VRK2: variants seen among roughly 807,000 people sequenced by gnomAD.
The protein encoded by VRK2 is VRK serine/threonine kinase 2, also known as serine/threonine-protein kinase VRK2.
A neutral mutation model predicts 57.6 loss-of-function variants in VRK2; 60 were observed. The observed-to-expected ratio is 1.04, with a 90% CI of 0.85 to 1.29. The LOEUF (loss-of-function observed/expected upper bound fraction) is 1.29. Among genes scored for constraint, VRK2 ranks in the 50% most tolerant of loss-of-function variants. VRK2 has a pLI of 0.00. For missense variants in VRK2, 705 were observed against 588.1 expected (o/e 1.20, Z -2.06); for synonymous variants, 231 against 199.2 (o/e 1.16, Z -1.35).
chr2:58,008,677 T>C (rs773148654), intron 1 of VRK2, among the ~76,000 whole-genome samples: 11 of 151,880 alleles, frequency 7.2e-5, no homozygotes, highest in Non-Finnish European at 1.2e-4. Context: ...TAAAAGCAGA[T>C]AATAAAATAT....
chr2:58,074,535 A>G (rs999736133), intron 2 of VRK2, among the ~76,000 whole-genome samples: 8 of 152,152 alleles, frequency 5.3e-5, no homozygotes, highest in Non-Finnish European at 7.4e-5. Flanking sequence ...AAATAACACT[A>G]TACTACTTCA....
chr2:58,125,626 C>A (rs113733951), intron 8 of VRK2, among the ~76,000 whole-genome samples: 1 of 151,880 alleles, frequency 6.6e-6, no homozygotes, highest in Non-Finnish European at 1.5e-5. Flanking sequence ...TTACCAGATT[C>A]TTATAAAATA....
At chr2:58,001,470 A>T (rs1378506390) in intron 1 of VRK2, among the ~76,000 whole-genome samples, 1 of 152,186 alleles carries the variant, frequency 6.6e-6, no homozygotes, top group Non-Finnish European at 1.5e-5. Context: ...ACTTTGTTTC[A>T]TGTAAGAATT....
chr2:58,014,436 G>A lies in VRK2; in HGVS notation c.-438-11229G>A, dbSNP rs145506716. On this transcript the variant is annotated intron_variant, in intron 1 of 15. Transcript: ENST00000417641. Reference sequence around the variant, plus strand: ...AAAGATATTAAATAAAAACAGTTTCGTAAAACCAGTGATCAATTAGCTTCA... The same window carrying A: ...AAAGATATTAAATAAAAACAGTTTCATAAAACCAGTGATCAATTAGCTTCA... Among the ~76,000 whole-genome samples, 337 of 152,238 alleles carry A rather than the reference G, an allele frequency of 2.2e-3. 1 individual carries two copies. The highest frequency in any genetic ancestry group is 4.0e-3 in the Non-Finnish European group (272 of 67,996).
At chr2:58,028,907 T>TAA (rs1674026438) in intron 2 of VRK2, among the ~76,000 whole-genome samples, 2 of 32,926 alleles carry the variant, frequency 6.1e-5, no homozygotes, top group South Asian at 6.7e-4. Context: ...TAAATAAATA[T>TAA]ATATATATAT....
At chr2:58,036,553 C>G (rs1674280083) in intron 3 of VRK2, among the ~76,000 whole-genome samples, 2 of 151,988 alleles carry the variant, frequency 1.3e-5, no homozygotes, top group East Asian at 1.9e-4. Context: ...TAATCAGTAT[C>G]GAGATGGTAT....
At chr2:58,095,838 G>T (rs1452989066) in intron 7 of VRK2, among the ~76,000 whole-genome samples, 1 of 151,994 alleles carries the variant, frequency 6.6e-6, no homozygotes, top group Non-Finnish European at 1.5e-5. Flanking sequence ...AATCTTATTG[G>T]AAATGCCTGA....
At chr2:58,113,312 C>CAA (rs60456089) in intron 7 of VRK2, among the ~76,000 whole-genome samples, 14 of 82,228 alleles carry the variant, frequency 1.7e-4, no homozygotes, top group African/African-American at 3.7e-4. Flanking sequence ...AACTCCGTCT[C>CAA]AAAAAAAAAA....
chr2:58,121,604 G>T (rs1000336588), intron 7 of VRK2, among the ~76,000 whole-genome samples: 20 of 152,108 alleles, frequency 1.3e-4, no homozygotes, highest in Non-Finnish European at 2.5e-4. Flanking sequence ...ACTCTGTGCT[G>T]TTTATATTTT....
chr2:57,942,619 G>A (rs1381992107), intron 1 of VRK2, among the ~76,000 whole-genome samples: 1 of 151,764 alleles, frequency 6.6e-6, no homozygotes, highest in African/African-American at 2.4e-5. Flanking sequence ...TTAAATAACT[G>A]TAAAATTGAT....
intron 2 of VRK2, among the ~76,000 whole-genome samples, chr2:58,082,574 ACTT>A (rs1001816737): frequency 3.3e-5 from 5 of 151,818 alleles, no homozygotes; most frequent in African/African-American, 1.2e-4. Context: ...TTTTCTCACC[ACTT>A]CTTCTATACC....
intron 1 of VRK2, among the ~76,000 whole-genome samples, chr2:57,997,633 T>G (rs571180289): frequency 6.6e-6 from 1 of 152,222 alleles, no homozygotes; most frequent in Non-Finnish European, 1.5e-5. Flanking sequence ...CCAGGCATAG[T>G]GGCTCACACC....
At position 58,139,791 on chromosome 2, in the gene VRK2, A is replaced by G. The variant is rs1288416103; in HGVS notation, c.982A>G (p.Lys328Glu). 6.2e-7 allele frequency: 1 copy of G among 1,613,042 alleles called. No individual in the cohort carries two copies. Among genetic ancestry groups the G allele is most frequent in the Non-Finnish European group, 8.5e-7 (1 of 1,179,370 alleles). Residue 328 changes from lysine to glutamate, a missense_variant, in exon 11 of 13, where the codon AAA (lysine) becomes GAA (glutamate). Physicochemically the swap from Lys to Glu is moderately conservative, Grantham distance 56. Coordinates refer to ENST00000340157, the MANE Select transcript of VRK2 (RefSeq NM_006296.7). ...TTTAGGACCACTGGACTTTTCCACAAAAGGACAGAGTATAAATGTCCATAC... is the reference window on the plus strand; with the variant it reads ...TTTAGGACCACTGGACTTTTCCACAGAAGGACAGAGTATAAATGTCCATAC... ...IPLGPLDFSTKGQSINVHTPN... is the reference protein window; with the variant it reads ...IPLGPLDFSTEGQSINVHTPN...
intron 1 of VRK2, among the ~76,000 whole-genome samples, chr2:57,990,866 C>T (rs1422092675): frequency 1.3e-5 from 2 of 151,208 alleles, no homozygotes; most frequent in Non-Finnish European, 3.0e-5. Context: ...CACACACACA[C>T]ACACACACAC....
At chr2:57,933,314 T>C (rs1463559655) in intron 1 of VRK2, among the ~76,000 whole-genome samples, 14 of 130,154 alleles carry the variant, frequency 1.1e-4, no homozygotes, top group African/African-American at 4.4e-4. Flanking sequence ...TTTTTCTTTT[T>C]TTTTTTTTTT....
intron 1 of VRK2, among the ~76,000 whole-genome samples, chr2:57,943,920 A>T (rs1051609314): frequency 6.6e-6 from 1 of 152,224 alleles, no homozygotes; most frequent in African/African-American, 2.4e-5. Flanking sequence ...CAATTCTGCC[A>T]TTGTAGCAAA....
intron 10 of VRK2, among the ~76,000 whole-genome samples, chr2:58,136,218 A>C (rs1272036117): frequency 1.3e-5 from 2 of 152,092 alleles, no homozygotes; most frequent in African/African-American, 4.8e-5. Flanking sequence ...CTATCCCCAC[A>C]TGAGTCTTTT....
At chr2:58,146,219 G>A in intron 11 of VRK2, 97 bp from the exon 12 acceptor site, 1 of 1,077,404 alleles carries the variant, frequency 9.3e-7, no homozygotes, top group Non-Finnish European at 1.3e-6. Flanking sequence ...TTAAAGCTTG[G>A]CAAGTTTAGA....
chr2:57,973,182 T>A (rs553427621), intron 1 of VRK2, among the ~76,000 whole-genome samples: 1 of 152,008 alleles, frequency 6.6e-6, no homozygotes, highest in South Asian at 2.1e-4. Context: ...TGCCAACAGT[T>A]GTCAAACTTT....
Sources: allele counts gnomAD v4.1 joint callset (sites outside exome capture counted in the v4.1 genomes callset), GRCh38; gene constraint gnomAD v4.1.1; transcripts MANE v1.5; gene names NCBI Gene and HGNC (gene_info 2026-07-23, HGNC 2026-07-21).